DLG2: variants seen among roughly 807,000 people sequenced by gnomAD.
The protein encoded by DLG2 is disks large homolog 2.
A neutral mutation model predicts 132.5 loss-of-function variants in DLG2; 45 were observed. That is an observed-to-expected ratio of 0.34 (90% CI 0.27 to 0.44). The LOEUF (loss-of-function observed/expected upper bound fraction) is 0.44. Among genes scored for constraint, DLG2 ranks in the 20% least tolerant of loss-of-function variants. DLG2 has a pLI of 1.00. For synonymous variants in DLG2, 424 were observed against 419.6 expected (o/e 1.01, Z -0.13); for missense variants, 1,045 against 1,196.9 (o/e 0.87, Z 1.87).
chr11:85,290,256 C>T lies in DLG2; in HGVS notation c.41-4891G>A, dbSNP rs1595976714. Reference sequence around the variant, plus strand: ...TCACAGCACCTCAAATTCTTGAAGACGTGTCCATTTTGATGTCACAATTTT... The same window carrying T: ...TCACAGCACCTCAAATTCTTGAAGATGTGTCCATTTTGATGTCACAATTTT... On this transcript the variant is annotated intron_variant, in intron 3 of 27. Coordinates refer to ENST00000376104, the MANE Select transcript of DLG2 (RefSeq NM_001142699.3). Among the ~76,000 whole-genome samples, 3 of 152,160 alleles carry T rather than the reference C, an allele frequency of 2.0e-5. No individual in the cohort carries two copies. The South Asian group carries it at 6.2e-4, about 32-fold the overall frequency.
intron 7 of DLG2, among the ~76,000 whole-genome samples, chr11:84,401,247 G>T (rs1263883985): frequency 6.6e-6 from 1 of 152,112 alleles, no homozygotes; most frequent in Non-Finnish European, 1.5e-5. Flanking sequence ...AGTTCTTCAA[G>T]GGCAGAACCT....
At chr11:83,510,885 T>G (rs1381236907) in intron 21 of DLG2, among the ~76,000 whole-genome samples, 1 of 139,848 alleles carries the variant, frequency 7.2e-6, no homozygotes, top group Non-Finnish European at 1.5e-5. Flanking sequence ...TTGCTAAACT[T>G]GGAATACTAG....
intron 7 of DLG2, among the ~76,000 whole-genome samples, chr11:84,262,274 G>T (rs963028794): frequency 6.6e-6 from 1 of 152,140 alleles, no homozygotes; most frequent in African/African-American, 2.4e-5. Flanking sequence ...GGTAGCTGCT[G>T]GCAGTGTTAC....
chr11:83,913,777 CTT>C (rs768649504), intron 15 of DLG2, among the ~76,000 whole-genome samples: 6 of 152,134 alleles, frequency 3.9e-5, no homozygotes, highest in East Asian at 3.9e-4. Context: ...GAAAGGGAGA[CTT>C]TTGTTTTTTC....
chr11:84,603,309 C>A (rs183782373), intron 6 of DLG2, among the ~76,000 whole-genome samples: 1 of 151,938 alleles, frequency 6.6e-6, no homozygotes, highest in African/African-American at 2.4e-5. Flanking sequence ...AGCAGACATT[C>A]CATATATATT....
intron 10 of DLG2, among the ~76,000 whole-genome samples, chr11:84,088,117 A>G (rs1194566162): frequency 6.6e-6 from 1 of 152,190 alleles, no homozygotes; most frequent in Non-Finnish European, 1.5e-5. Context: ...TTGAAAGCAC[A>G]AAGTTTTTAA....
intron 4 of DLG2, among the ~76,000 whole-genome samples, chr11:85,218,574 G>A (rs538066048): frequency 1.3e-5 from 2 of 152,280 alleles, no homozygotes; most frequent in East Asian, 3.9e-4. Flanking sequence ...AACAGATGAT[G>A]ATGAGGCTGT....
chr11:83,746,366 G>A (rs1190649352), intron 18 of DLG2, among the ~76,000 whole-genome samples: 1 of 152,140 alleles, frequency 6.6e-6, no homozygotes, highest in Non-Finnish European at 1.5e-5. Flanking sequence ...GGAAAATGTG[G>A]CACATATACA....
intron 18 of DLG2, among the ~76,000 whole-genome samples, chr11:83,711,536 T>C (rs1362771342): frequency 2.6e-5 from 4 of 152,182 alleles, no homozygotes; most frequent in Non-Finnish European, 5.9e-5. Context: ...GTTTTATATT[T>C]ATTCTGAAGT....
chr11:83,651,197 A>G (rs1591727221), intron 18 of DLG2, among the ~76,000 whole-genome samples: 1 of 152,322 alleles, frequency 6.6e-6, no homozygotes, highest in Non-Finnish European at 1.5e-5. Context: ...ATAAATATCA[A>G]TTGAATTGAA....
chr11:85,125,877 A>G (rs2075046536), intron 5 of DLG2, among the ~76,000 whole-genome samples: 1 of 151,830 alleles, frequency 6.6e-6, no homozygotes, highest in Non-Finnish European at 1.5e-5. Context: ...TTCCTTATGG[A>G]GTTTCTGTCT....
At chr11:84,190,025 A>G (rs2096373863) in intron 8 of DLG2, among the ~76,000 whole-genome samples, 1 of 152,058 alleles carries the variant, frequency 6.6e-6, no homozygotes, top group Admixed American at 6.6e-5. Context: ...AGTGTGAAGG[A>G]CAAACCGCAC....
rs1268639370 is a variant in DLG2 at position 84,251,324 on chromosome 11, T to C, written c.520-33A>G. 2.7e-6 allele frequency: 4 copies of C among 1,457,284 alleles called. No homozygotes were observed. In the Admixed American group the frequency reaches 6.2e-5, roughly 22 times the overall value. The allele number at this position is 1,457,284 out of a possible 1,614,324, so 90.3% of individuals were successfully genotyped here. A position where few individuals can be genotyped will look rare whatever the true frequency, so the allele number is the denominator to read the frequency against. Reference sequence around the variant, plus strand: ...AAGAAATAGAAAAAAAATTAAATAATGAATAGTGTATTCTGAGACAGATTA... The same window carrying C: ...AAGAAATAGAAAAAAAATTAAATAACGAATAGTGTATTCTGAGACAGATTA... On this transcript the variant is annotated intron_variant, in intron 7 of 27. Transcript: ENST00000376104.
intron 6 of DLG2, among the ~76,000 whole-genome samples, chr11:84,592,049 T>C (rs879856676): frequency 1.3e-5 from 2 of 152,106 alleles, no homozygotes; most frequent in Non-Finnish European, 2.9e-5. Context: ...AGATGGGTTC[T>C]TGCCATGTTG....
chr11:84,866,030 G>T (rs1254837235), intron 6 of DLG2, among the ~76,000 whole-genome samples: 3 of 152,208 alleles, frequency 2.0e-5, no homozygotes, highest in Non-Finnish European at 4.4e-5. Context: ...CAACAGGGAA[G>T]AGGATCAAAA....
chr11:83,544,158 A>G (rs963348440), intron 19 of DLG2, among the ~76,000 whole-genome samples: 3 of 152,140 alleles, frequency 2.0e-5, no homozygotes. Flanking sequence ...CTACTGAGAG[A>G]GGACTCTCGG....
chr11:84,652,959 T>C (rs2099683890), intron 6 of DLG2, among the ~76,000 whole-genome samples: 1 of 148,348 alleles, frequency 6.7e-6, no homozygotes, highest in South Asian at 2.1e-4. Context: ...TTAGATGGAG[T>C]CTGGCTCTGT....
intron 9 of DLG2, among the ~76,000 whole-genome samples, chr11:84,122,386 ACACCT>A (rs2093968145): frequency 6.6e-6 from 1 of 152,174 alleles, no homozygotes; most frequent in Non-Finnish European, 1.5e-5. Context: ...CTTTCAGAGA[ACACCT>A]GGGGAGAGGA....
At chr11:84,408,818 CA>C (rs2098877157) in intron 7 of DLG2, among the ~76,000 whole-genome samples, 1 of 152,158 alleles carries the variant, frequency 6.6e-6, no homozygotes, top group Non-Finnish European at 1.5e-5. Flanking sequence ...AAACATTTTA[CA>C]ACTCAGCATT....
Sources: allele counts gnomAD v4.1 joint callset (sites outside exome capture counted in the v4.1 genomes callset), GRCh38; gene constraint gnomAD v4.1.1; transcripts MANE v1.5; gene names NCBI Gene and HGNC (gene_info 2026-07-23, HGNC 2026-07-21).